UBE3C: variants seen among roughly 807,000 people sequenced by gnomAD.
UBE3C encodes ubiquitin protein ligase E3C.
UBE3C carries 42 observed loss-of-function variants against 129.4 expected under a neutral mutation model. The observed-to-expected ratio is 0.32, with a 90% CI of 0.25 to 0.42. The LOEUF is 0.42. Among genes scored for constraint, UBE3C ranks in the 10% least tolerant of loss-of-function variants. The pLI is 1.00. For synonymous variants in UBE3C, 510 were observed against 492.4 expected (o/e 1.04, Z -0.47); for missense variants, 1,049 against 1,319.1 (o/e 0.80, Z 3.17).
chr7:157,211,191 A>AGAGAGAGAGAGAGAGAGAGAGC (rs1481725592), intron 13 of UBE3C, among the ~76,000 whole-genome samples: 8 of 151,588 alleles, frequency 5.3e-5, no homozygotes, highest in African/African-American at 9.8e-5. Context: ...AGAGAGAGAG[A>AGAGAGAGAGAGAGAGAGAGAGC]GAGCCATACT....
At chr7:157,140,564 T>A (rs905857786) in intron 1 of UBE3C, among the ~76,000 whole-genome samples, 1 of 152,214 alleles carries the variant, frequency 6.6e-6, no homozygotes, top group Non-Finnish European at 1.5e-5. Flanking sequence ...TAGGAGAGAC[T>A]TCAGAGAATC....
chr7:157,195,176 A>G (rs1809082963), intron 10 of UBE3C, among the ~76,000 whole-genome samples: 1 of 152,208 alleles, frequency 6.6e-6, no homozygotes, highest in African/African-American at 2.4e-5. Context: ...CCTCCCAGCT[A>G]TTTCAGAAAA....
rs1203880925 is a variant in UBE3C, at chr7:157,174,943, A to G, written c.367A>G (p.Lys123Glu). Residue 123 changes from lysine (K) to glutamate (E), a missense_variant, in exon 5 of 23, where the codon AAA becomes GAA. Physicochemically the swap from Lys to Glu is moderately conservative, Grantham distance 56. Coordinates refer to ENST00000348165, the MANE Select transcript of UBE3C (RefSeq NM_014671.3). ...RLIWLYQNLI[K>E]HSSLFVKQLD... ...GATATGGCTGTATCAGAACTTAATT[A>G]AACACAGCTCTCTGTTTGTCAAGCA... The G allele has an allele frequency of 6.2e-7, 1 of 1,612,100 alleles. No homozygotes were observed. The highest frequency in any genetic ancestry group is 8.5e-7 in the Non-Finnish European group (1 of 1,179,318).
At chr7:157,153,479 A>G (rs1275819507) in intron 1 of UBE3C, among the ~76,000 whole-genome samples, 1 of 152,148 alleles carries the variant, frequency 6.6e-6, no homozygotes, top group Non-Finnish European at 1.5e-5. Flanking sequence ...TGTTTTTAAC[A>G]GAGTCCAGGT....
chr7:157,151,206 G>C (rs1243793649), intron 1 of UBE3C, among the ~76,000 whole-genome samples: 2 of 152,226 alleles, frequency 1.3e-5, no homozygotes, highest in Non-Finnish European at 2.9e-5. Context: ...TTCAGGTTTA[G>C]CTTAGTCGTA....
At chr7:157,239,135 T>C (rs1048737128) in intron 18 of UBE3C, among the ~76,000 whole-genome samples, 2 of 152,190 alleles carry the variant, frequency 1.3e-5, no homozygotes. Context: ...TGTGTACCTA[T>C]TAATTAGAAT....
In UBE3C at chr7:157,180,158, C is replaced by G. The variant is rs79797367; in HGVS notation, c.616+1311C>G. ...CTGTGGTACAGCAGTTGTTTACTTT[C>G]TAACAGTCGATAAAATTTTAGCCTT... On this transcript the variant is annotated intron_variant, in intron 6 of 22. Coordinates refer to ENST00000348165, the MANE Select transcript of UBE3C (RefSeq NM_014671.3). 3.4e-3 allele frequency among the ~76,000 whole-genome samples: 511 copies of G among 152,272 alleles called. 2 individuals are homozygous for G. The highest frequency in any genetic ancestry group is 0.011 in the African/African-American group (476 of 41,576).
chr7:157,259,152 A>G (rs568038143), intron 22 of UBE3C, among the ~76,000 whole-genome samples: 3 of 152,232 alleles, frequency 2.0e-5, no homozygotes, highest in Non-Finnish European at 4.4e-5. Flanking sequence ...ACATGTTAAA[A>G]ATGAACATTT....
chr7:157,217,443 C>T (rs1242997272), intron 14 of UBE3C, among the ~76,000 whole-genome samples: 4 of 152,024 alleles, frequency 2.6e-5, no homozygotes, highest in African/African-American at 9.7e-5. Flanking sequence ...TAAGCCACCA[C>T]ACCAGTCCTT....
chr7:157,256,898 G>C lies in UBE3C; in HGVS notation c.2951-16G>C, dbSNP rs775354320. The stretch of plus-strand genomic sequence containing the variant: ...GTGCTTTGCATTTCATAAAGCATGT[G>C]TTCATTTTGCCATAGGAGGCTATTC... On this transcript the variant is annotated splice_polypyrimidine_tract_variant and intron_variant, in intron 21 of 22. Coordinates refer to ENST00000348165, the MANE Select transcript of UBE3C (RefSeq NM_014671.3). 2.2e-5 allele frequency: 36 copies of C among 1,613,724 alleles called. No individual in the cohort carries two copies. The highest frequency in any genetic ancestry group is 1.6e-4 in the Middle Eastern group (1 of 6,080).
At chr7:157,176,552 G>A (rs1464355847) in intron 5 of UBE3C, among the ~76,000 whole-genome samples, 7 of 152,244 alleles carry the variant, frequency 4.6e-5, no homozygotes, top group Admixed American at 4.6e-4. Flanking sequence ...TGGGATTACA[G>A]GCGTGAGCCA....
chr7:157,261,304 CTGAAAAAAAAAAAAAAAA>C (rs1796902414), intron 22 of UBE3C, among the ~76,000 whole-genome samples: 1 of 32,916 alleles, frequency 3.0e-5, no homozygotes, highest in African/African-American at 1.1e-4. Flanking sequence ...AAAACTCTGT[CTGAAAAAAAAAAAAAAAA>C]AAAAAAAAAA....
At chr7:157,231,487 G>C (rs902933555) in intron 18 of UBE3C, 160 bp downstream of exon 18, 8 of 1,025,792 alleles carry the variant, frequency 7.8e-6, no homozygotes, top group Non-Finnish European at 7.0e-6. Context: ...TTGTATGGTT[G>C]TAAGTAGGTG....
rs769009524 is a variant in UBE3C, at chr7:157,267,570, C to CA, written c.3082-14dup. The CA allele has an allele frequency of 6.2e-7, 1 of 1,612,458 alleles. No individual in the cohort carries two copies. The highest frequency in any genetic ancestry group is 1.1e-5 in the South Asian group (1 of 90,672). The stretch of plus-strand genomic sequence containing the variant: ...GCTTGTTACAGTGACATCTTGCACA[C>CA]ATGCTGTTTTTCAGGAGTTGTATCC... On this transcript the variant is annotated splice_polypyrimidine_tract_variant and intron_variant, in intron 22 of 22. Coordinates refer to ENST00000348165, the MANE Select transcript of UBE3C (RefSeq NM_014671.3).
Position 157,248,468 on chromosome 7 carries a change from C to T in UBE3C, c.2582C>T (p.Ser861Phe). The T allele has an allele frequency of 6.2e-7, 1 of 1,613,616 alleles. No individual in the cohort carries two copies. The highest frequency in any genetic ancestry group is 8.5e-7 in the Non-Finnish European group (1 of 1,180,026). The change falls in exon 19 of 23, where the codon TCC becomes TTC. Residue 861 changes from serine (S) to phenylalanine (F), a missense_variant. By Grantham distance (155) the Ser-to-Phe change is radical. Around this residue, in one of 4 missense-constraint regions of UBE3C, gnomAD observed 243 missense variants for 368.7 expected, o/e 0.66. Transcript: ENST00000348165. ...GACGTGGACATTCACCACCTCGCCT[C>T]CCTAGACCCTGAGGTGTATAAGAAT... ...SADVDIHHLA[S>F]LDPEVYKNLL...
At chr7:157,252,220 C>G (rs1361784953) in intron 19 of UBE3C, among the ~76,000 whole-genome samples, 2 of 152,160 alleles carry the variant, frequency 1.3e-5, no homozygotes, top group African/African-American at 4.8e-5. Flanking sequence ...TAACTGATAA[C>G]TTCACTGGTC....
chr7:157,223,420 C>T (rs755751969), intron 16 of UBE3C, 69 bp downstream of exon 16: 263 of 1,372,056 alleles, frequency 1.9e-4, no homozygotes, highest in Admixed American at 6.2e-4. Context: ...ACACACCCAC[C>T]AGAGAAATCT....
In UBE3C at chr7:157,182,287, G is replaced by C. The variant is rs750438815; in HGVS notation, c.950G>C (p.Trp317Ser). ...TCAAGAAAGAGTGGTGGAGCACCCT[G>C]GCTTTTCTATTTCGTTTTAACTGTT... ...RCSRKSGGAP[W>S]LFYFVLTVGE... The change falls in exon 8 of 23, where the codon TGG (tryptophan) becomes TCG (serine). Residue 317 changes from tryptophan (W) to serine (S), a missense_variant. Trp to Ser is a radical substitution (Grantham distance 177). Around this residue, in one of 4 missense-constraint regions of UBE3C, gnomAD observed 489 missense variants for 513.8 expected, o/e 0.95. Coordinates refer to ENST00000348165, the MANE Select transcript of UBE3C (RefSeq NM_014671.3). 6.2e-7 allele frequency: 1 copy of C among 1,613,850 alleles called. No individual in the cohort carries two copies. Among genetic ancestry groups the C allele is most frequent in the East Asian group, 2.2e-5 (1 of 44,886 alleles).
intron 18 of UBE3C, among the ~76,000 whole-genome samples, chr7:157,237,210 G>A (rs1448925266): frequency 6.6e-6 from 1 of 152,072 alleles, no homozygotes; most frequent in Non-Finnish European, 1.5e-5. Flanking sequence ...GGGAGGCCGA[G>A]GTGGGCAGAT....
Sources: gnomAD v4.1 joint callset for allele counts (sites outside exome capture counted in the v4.1 genomes callset) on GRCh38, gnomAD v4.1.1 for gene constraint, gnomAD v4.1.1 regional missense constraint, MANE v1.5 for transcripts, NCBI Gene and HGNC (gene_info 2026-07-23, HGNC 2026-07-21) for gene names.